The following GLS variants were observed in gnomAD, a reference collection of about 807,000 sequenced individuals.
GLS encodes glutaminase, also known as glutaminase kidney isoform, mitochondrial.
Under a neutral mutation model 86.7 loss-of-function variants are expected in GLS, and 36 were observed. That is an observed-to-expected ratio of 0.42 (90% CI 0.32 to 0.55). The LOEUF is 0.55. Among genes scored for constraint, GLS ranks in the 20% least tolerant of loss-of-function variants. The probability of loss-of-function intolerance (pLI) is 0.17; values close to 1 mark genes in which losing one functional copy is unlikely to be tolerated. For synonymous variants in GLS, 317 were observed against 305.9 expected (o/e 1.04, Z -0.38); for missense variants, 528 against 833.4 (o/e 0.63, Z 4.51).
intron 1 of GLS, among the ~76,000 whole-genome samples, chr2:190,893,625 ACCCAC>A (rs1381244941): frequency 6.6e-6 from 1 of 152,136 alleles, no homozygotes; most frequent in Non-Finnish European, 1.5e-5. Context: ...TCGCTCTGTT[ACCCAC>A]TCTGGAGTGT....
At position 190,962,177 on chromosome 2, in the gene GLS, C is replaced by T. The variant is rs1691020220; in HGVS notation, c.1854-653C>T. Reference sequence around the variant, plus strand: ...GAATATTCATCTACATCACTCTAAACAGCACAGCCCCAGAAGCATGGAAAG... The same window carrying T: ...GAATATTCATCTACATCACTCTAAATAGCACAGCCCCAGAAGCATGGAAAG... On this transcript the variant is annotated intron_variant, in intron 17 of 17. Coordinates refer to ENST00000320717, the MANE Select transcript of GLS (RefSeq NM_014905.5). This position sits in a 1 kb window ranked among gnomAD's most constrained non-coding sequence, Gnocchi z 4.2. Among the ~76,000 whole-genome samples the T allele has an allele frequency of 1.3e-5, 2 of 152,200 alleles. No homozygotes were observed. The highest frequency in any genetic ancestry group is 2.9e-5 in the Non-Finnish European group (2 of 68,042).
intron 7 of GLS, among the ~76,000 whole-genome samples, chr2:190,916,384 A>G (rs1445445737): frequency 6.6e-6 from 1 of 152,062 alleles, no homozygotes; most frequent in Non-Finnish European, 1.5e-5. Flanking sequence ...TGGATTTTTT[A>G]TCATTTTTAG....
At position 190,881,072 on chromosome 2, in the gene GLS, C is replaced by G. The variant is rs765543313; in HGVS notation, c.-13C>G. The G allele has an allele frequency of 6.5e-7, 1 of 1,548,462 alleles. No homozygotes were observed. Among genetic ancestry groups the G allele is most frequent in the Non-Finnish European group, 8.7e-7 (1 of 1,153,986 alleles). ...TCCTCCCCTGTTGAGCGGGCGCTGA[C>G]GGACCCGGCGGCATGATGCGGCTGC... On this transcript the variant is annotated 5_prime_UTR_variant, in exon 1 of 18. Coordinates refer to ENST00000320717, the MANE Select transcript of GLS (RefSeq NM_014905.5).
chr2:190,889,940 T>C (rs542924744), intron 1 of GLS, among the ~76,000 whole-genome samples: 2 of 152,208 alleles, frequency 1.3e-5, no homozygotes, highest in African/African-American at 4.8e-5. Flanking sequence ...TTAGTTCTCT[T>C]ATGTGCATTT....
At chr2:190,894,354 TA>T (rs1688659040) in intron 1 of GLS, among the ~76,000 whole-genome samples, 1 of 149,560 alleles carries the variant, frequency 6.7e-6, no homozygotes, top group African/African-American at 2.4e-5. Context: ...TACGTTTTTT[TA>T]TTTTTTTTCT....
chr2:190,885,261 G>A (rs1486924667), intron 1 of GLS, among the ~76,000 whole-genome samples: 2 of 151,156 alleles, frequency 1.3e-5, no homozygotes, highest in African/African-American at 2.4e-5. Context: ...GTGTGATCTC[G>A]GTTCACTGCA....
chr2:190,894,004 T>A (rs1467806874), intron 1 of GLS, among the ~76,000 whole-genome samples: 1 of 152,266 alleles, frequency 6.6e-6, no homozygotes, highest in Admixed American at 6.5e-5. Flanking sequence ...AACATTTGTG[T>A]GACATTCAGT....
chr2:190,881,678 A>C (rs901784368), intron 1 of GLS: 2 of 491,558 alleles, frequency 4.1e-6, no homozygotes, highest in Non-Finnish European at 7.0e-6. Flanking sequence ...CCAGGCACCC[A>C]CTTCCCTTCT....
At position 190,900,596 on chromosome 2, in the gene GLS, A is replaced by C. The variant is rs770619365; in HGVS notation, c.638A>C (p.Gln213Pro). ...CAGAGCAACATTGTTTTGTTGACAC[A>C]AGCATTTAGAAGAAAGTTTGTGATT... ...CVQSNIVLLT[Q>P]AFRRKFVIPD... is the part of the protein sequence containing the mutation. The change falls in exon 4 of 18, where the codon CAA becomes CCA. Residue 213 changes from glutamine (Q) to proline (P), a missense_variant. This residue lies in a region of GLS where 111 missense variants were observed against 179.5 expected (regional missense o/e 0.62). Transcript: ENST00000320717. 6.2e-7 allele frequency: 1 copy of C among 1,601,662 alleles called. No individual in the cohort carries two copies. Among genetic ancestry groups the C allele is most frequent in the South Asian group, 1.1e-5 (1 of 90,724 alleles).
rs1428684666 is a variant in GLS, at chr2:190,881,188, G to C, written c.104G>C (p.Cys35Ser). 2 of 1,331,394 alleles carry C rather than the reference G, an allele frequency of 1.5e-6. No homozygotes were observed. Among genetic ancestry groups the C allele is most frequent in the Non-Finnish European group, 1.9e-6 (2 of 1,044,324 alleles). 82.5% of individuals were successfully genotyped at this position (1,331,394 alleles called of 1,614,324 possible). A position where few individuals can be genotyped will look rare whatever the true frequency, so the allele number is the denominator to read the frequency against. ...CGGGCACAGCCCTTGGTCACCCTGT[G>C]CCGGCGTCCCCGAGGCGGGGGACGG... ...LRRAQPLVTL[C>S]RRPRGGGRPA... is the part of the protein sequence containing the mutation. The change falls in exon 1 of 18, where the codon TGC (cysteine) becomes TCC (serine). Residue 35 changes from cysteine to serine, a missense_variant. Physicochemically the swap from Cys to Ser is moderately radical, Grantham distance 112. Transcript: ENST00000320717.
At chr2:190,932,844 T>G in intron 14 of GLS, 2 of 1,539,830 alleles carry the variant, frequency 1.3e-6, no homozygotes, top group South Asian at 1.3e-5. Context: ...GAATGGAAAG[T>G]CTGGGAGAGA....
Position 190,954,241 on chromosome 2 carries a change from C to T in GLS, c.1713-343C>T, listed in dbSNP as rs1690801095. Among the ~76,000 whole-genome samples, 1 of 151,966 alleles carries T rather than the reference C, an allele frequency of 6.6e-6. No individual in the cohort carries two copies. Among genetic ancestry groups the T allele is most frequent in the African/African-American group, 2.4e-5 (1 of 41,356 alleles). On this transcript the variant is annotated intron_variant, in intron 15 of 17. Coordinates refer to ENST00000320717, the MANE Select transcript of GLS (RefSeq NM_014905.5). The surrounding 1 kb of genome is among the most constrained non-coding windows in gnomAD (Gnocchi z 4.0). ...ATGGGAGTCTTAGTAAAACATACAA[C>T]TTTACTATAGGGATTAGTTTCTTGC...
rs1559309586 is a variant in GLS at position 190,880,913 on chromosome 2, CAG to C, written c.-171_-170del. On this transcript the variant is annotated 5_prime_UTR_variant, in exon 1 of 18. Coordinates refer to ENST00000320717, the MANE Select transcript of GLS (RefSeq NM_014905.5). ...GCAGCAGCAGCAGCAGCAGCAGCAG[CAG>C]CAGCACCCGCATCCGCTGCGGGAGT... 24 of 889,542 alleles carry C rather than the reference CAG, an allele frequency of 2.7e-5. No individual in the cohort carries two copies. The highest frequency in any genetic ancestry group is 2.7e-4 in the African/African-American group (15 of 56,220). The allele number at this position is 889,542 out of a possible 1,614,324, so 55.1% of individuals were successfully genotyped here.
intron 1 of GLS, among the ~76,000 whole-genome samples, chr2:190,892,746 A>G (rs1688606818): frequency 6.6e-6 from 1 of 152,164 alleles, no homozygotes. Flanking sequence ...GAGGTTTCAA[A>G]TGCTGAAATA....
chr2:190,925,971 G>A (rs751899349), intron 11 of GLS, among the ~76,000 whole-genome samples: 8 of 151,232 alleles, frequency 5.3e-5, no homozygotes, highest in African/African-American at 9.8e-5. Flanking sequence ...AATTTTTTCC[G>A]TAAGTTTCTT....
rs1038578944 is a variant in GLS at position 190,955,600 on chromosome 2, T to C, written c.1853+782T>C. Among the ~76,000 whole-genome samples the C allele has an allele frequency of 3.3e-5, 5 of 152,222 alleles. No individual in the cohort carries two copies. Among genetic ancestry groups the C allele is most frequent in the African/African-American group, 1.2e-4 (5 of 41,452 alleles). ...GCCACAATAAACATACATGTGCATG[T>C]GTCTTTATAGTAGAATGATTTATAA... On this transcript the variant is annotated intron_variant, in intron 17 of 17. Coordinates refer to ENST00000320717, the MANE Select transcript of GLS (RefSeq NM_014905.5). The surrounding 1 kb of genome is among the most constrained non-coding windows in gnomAD (Gnocchi z 5.6).
chr2:190,936,792 A>G (rs1439722943), intron 14 of GLS, among the ~76,000 whole-genome samples: 1 of 151,322 alleles, frequency 6.6e-6, no homozygotes, highest in African/African-American at 2.4e-5. Flanking sequence ...TGAGCAGTTT[A>G]TGGAACAGTT....
intron 1 of GLS, among the ~76,000 whole-genome samples, chr2:190,887,315 C>T (rs1340888339): frequency 6.6e-6 from 1 of 152,110 alleles, no homozygotes; most frequent in African/African-American, 2.4e-5. Context: ...CATCACTGCA[C>T]TTAGTGATTT....
chr2:190,953,865 A>G lies in GLS; in HGVS notation c.1712+239A>G, dbSNP rs764414263. On this transcript the variant is annotated intron_variant, in intron 15 of 17. Transcript: ENST00000320717. This position sits in a 1 kb window ranked among gnomAD's most constrained non-coding sequence, Gnocchi z 4.0. The stretch of plus-strand genomic sequence containing the variant: ...TTCCCCAAGTAGTAACTGTTCAGCT[A>G]ATCTGGCTAATTAGTACCAGTGGCT... 6.6e-6 allele frequency among the ~76,000 whole-genome samples: 1 copy of G among 151,920 alleles called. No individual in the cohort carries two copies. The highest frequency in any genetic ancestry group is 1.5e-5 in the Non-Finnish European group (1 of 68,002).
Sources: gnomAD v4.1 joint callset for allele counts (sites outside exome capture counted in the v4.1 genomes callset) on GRCh38, gnomAD v4.1.1 for gene constraint, gnomAD v4.1.1 regional missense constraint, Gnocchi (gnomAD v3.1) non-coding constraint, MANE v1.5 for transcripts, NCBI Gene and HGNC (gene_info 2026-07-23, HGNC 2026-07-21) for gene names.